SPECC1L: variants seen among roughly 807,000 people sequenced by gnomAD.
SPECC1L encodes the protein sperm antigen with calponin homology and coiled-coil domains 1 like.
A neutral mutation model predicts 116.8 loss-of-function variants in SPECC1L; 40 were observed. That is an observed-to-expected ratio of 0.34 (90% CI 0.27 to 0.45). SPECC1L has a LOEUF of 0.45. Ranked by LOEUF, SPECC1L falls within the 20% of genes least tolerant of loss-of-function variation. The pLI is 1.00. For synonymous variants in SPECC1L, 504 were observed against 500.6 expected (o/e 1.01, Z -0.09); for missense variants, 1,110 against 1,373.6 (o/e 0.81, Z 3.03).
In SPECC1L at chr22:24,390,919, C is replaced by T. The variant is rs1213629974; in HGVS notation, c.3088-20669C>T. Among the ~76,000 whole-genome samples the T allele has an allele frequency of 4.3e-5, 5 of 115,450 alleles. No individual in the cohort carries two copies. In the East Asian group the frequency reaches 1.4e-3, roughly 31 times the overall value. 75.7% of individuals were successfully genotyped at this position (115,450 alleles called of 152,430 possible). On this transcript the variant is annotated intron_variant, in intron 14 of 16. Transcript: ENST00000314328. ...TTTTTGAGTCAGAGTCTCACTCTGT[C>T]GCCCAGACTGAAGTGGAGCGATCTC... is the stretch of plus-strand genomic sequence containing the variant.
intron 4 of SPECC1L, among the ~76,000 whole-genome samples, chr22:24,318,013 G>T (rs1009598047): frequency 6.6e-6 from 1 of 151,254 alleles, no homozygotes; most frequent in African/African-American, 2.4e-5. Context: ...TGGCGGCTGG[G>T]CAGAGACGCT....
rs1313778069 is a variant in SPECC1L at position 24,351,642 on chromosome 22, C to T, written c.2743+4466C>T. On this transcript the variant is annotated intron_variant, in intron 11 of 16. Transcript: ENST00000314328. The stretch of plus-strand genomic sequence containing the variant: ...ATATCACAGTAGTTGATACTGTGAT[C>T]GTTTATCTTAAACAGTCATTCAAGA... Among the ~76,000 whole-genome samples the T allele has an allele frequency of 2.6e-5, 4 of 152,022 alleles. 1 individual carries two copies. Among genetic ancestry groups the T allele is most frequent in the East Asian group, 1.9e-4 (1 of 5,164 alleles).
chr22:24,362,246 G>A (rs765976305), intron 11 of SPECC1L, among the ~76,000 whole-genome samples: 1 of 152,138 alleles, frequency 6.6e-6, no homozygotes, highest in African/African-American at 2.4e-5. Context: ...TGTGTTTGGT[G>A]GGGGCTGGCA....
chr22:24,374,026 CATT>C (rs2041921865), intron 14 of SPECC1L, among the ~76,000 whole-genome samples: 1 of 152,116 alleles, frequency 6.6e-6, no homozygotes, highest in African/African-American at 2.4e-5. Context: ...AAAAAATGCT[CATT>C]ATCACTGGCC....
chr22:24,353,927 A>G (rs1022504874), intron 11 of SPECC1L, among the ~76,000 whole-genome samples: 1 of 152,192 alleles, frequency 6.6e-6, no homozygotes, highest in African/African-American at 2.4e-5. Context: ...GTAATTTATA[A>G]AGAAAAGAGG....
At chr22:24,373,349 G>A (rs1357477809) in intron 14 of SPECC1L, among the ~76,000 whole-genome samples, 1 of 152,164 alleles carries the variant, frequency 6.6e-6, no homozygotes, top group Non-Finnish European at 1.5e-5. Context: ...AAAGCTGGAG[G>A]CATCACACTA....
At chr22:24,286,788 C>T (rs2049051912) in intron 2 of SPECC1L, among the ~76,000 whole-genome samples, 1 of 152,024 alleles carries the variant, frequency 6.6e-6, no homozygotes, top group Non-Finnish European at 1.5e-5. Context: ...TTGCTTTTGT[C>T]TGTTTTTCAA....
intron 10 of SPECC1L, among the ~76,000 whole-genome samples, chr22:24,346,106 A>G (rs1429839341): frequency 6.6e-6 from 1 of 151,014 alleles, no homozygotes; most frequent in Non-Finnish European, 1.5e-5. Flanking sequence ...TCTCGGCTTC[A>G]AGTGATTCTC....
chr22:24,327,883 G>T (rs566365233), intron 6 of SPECC1L, among the ~76,000 whole-genome samples: 3 of 152,196 alleles, frequency 2.0e-5, no homozygotes, highest in Non-Finnish European at 4.4e-5. Context: ...GGCTGTGTAA[G>T]ACACACTTGG....
chr22:24,312,793 T>C (rs1675794352), intron 3 of SPECC1L, among the ~76,000 whole-genome samples: 3 of 152,332 alleles, frequency 2.0e-5, no homozygotes, highest in South Asian at 2.1e-4. Context: ...TTTATTAATA[T>C]ATTATGCATG....
rs2042817328 is a variant in SPECC1L at position 24,417,244 on chromosome 22, G to C, written c.*2621G>C. On this transcript the variant is annotated 3_prime_UTR_variant, in exon 17 of 17. Coordinates refer to ENST00000314328, the MANE Select transcript of SPECC1L (RefSeq NM_015330.6). ...TATTCTTGAATGTATTAAAATGGCT[G>C]AAACAACAAGCTTGGGCTTTTCTAG... 6.6e-6 allele frequency: 1 copy of C among 152,602 alleles called. No homozygotes were observed. Among genetic ancestry groups the C allele is most frequent in the Admixed American group, 6.5e-5 (1 of 15,286 alleles). The allele number at this position is 152,602 out of a possible 1,614,324, so 9.5% of individuals were successfully genotyped here.
In SPECC1L at chr22:24,317,401, C is replaced by T. The variant is rs1223096725; in HGVS notation, c.308-3887C>T. Among the ~76,000 whole-genome samples the T allele has an allele frequency of 5.0e-5, 6 of 120,272 alleles. 1 individual carries two copies. The highest frequency in any genetic ancestry group is 1.7e-4 in the African/African-American group (6 of 34,428). The allele number at this position is 120,272 out of a possible 152,430, so 78.9% of individuals were successfully genotyped here. A position where few individuals can be genotyped will look rare whatever the true frequency, so the allele number is the denominator to read the frequency against. On this transcript the variant is annotated intron_variant, in intron 4 of 16. Coordinates refer to ENST00000314328, the MANE Select transcript of SPECC1L (RefSeq NM_015330.6). Reference sequence around the variant, plus strand: ...AGTAGGGGCGGCCGGGCAGAGGCGCCCCTCACCTCCCAGATGGGGCGCTGG... The same window carrying T: ...AGTAGGGGCGGCCGGGCAGAGGCGCTCCTCACCTCCCAGATGGGGCGCTGG...
chr22:24,318,340 G>A (rs11912768), intron 4 of SPECC1L, among the ~76,000 whole-genome samples: 1 of 152,182 alleles, frequency 6.6e-6, no homozygotes, highest in East Asian at 1.9e-4. Context: ...CCAACACAGC[G>A]AAACCCCGTC....
At chr22:24,293,154 C>T in intron 2 of SPECC1L, among the ~76,000 whole-genome samples, 1 of 152,126 alleles carries the variant, frequency 6.6e-6, no homozygotes, top group Non-Finnish European at 1.5e-5. Flanking sequence ...TGTAAAATTT[C>T]ATAATAAAAC....
intron 2 of SPECC1L, among the ~76,000 whole-genome samples, chr22:24,296,801 T>C (rs2049273010): frequency 6.6e-6 from 1 of 152,156 alleles, no homozygotes; most frequent in South Asian, 2.1e-4. Context: ...TTTAAGGAAT[T>C]TGTGGAAGCA....
chr22:24,344,421 T>C (rs1041534864), intron 10 of SPECC1L, among the ~76,000 whole-genome samples: 5 of 152,058 alleles, frequency 3.3e-5, no homozygotes, highest in African/African-American at 1.2e-4. Flanking sequence ...TAAAACTCTT[T>C]AGCAAACTAG....
At chr22:24,360,034 C>A (rs909896102) in intron 11 of SPECC1L, among the ~76,000 whole-genome samples, 6 of 152,186 alleles carry the variant, frequency 3.9e-5, no homozygotes, top group Non-Finnish European at 8.8e-5. Context: ...GACCTTTGCA[C>A]CAAGCCAAGT....
intron 2 of SPECC1L, among the ~76,000 whole-genome samples, chr22:24,278,074 G>C (rs1034683123): frequency 6.6e-6 from 1 of 152,158 alleles, no homozygotes; most frequent in Non-Finnish European, 1.5e-5. Flanking sequence ...GTGGGATTAG[G>C]CTGGGCACAG....
intron 9 of SPECC1L, among the ~76,000 whole-genome samples, chr22:24,336,986 G>A (rs149855603): frequency 3.3e-5 from 5 of 152,304 alleles, no homozygotes; most frequent in African/African-American, 9.6e-5. Context: ...GTAGGCTAAT[G>A]TAATGTTTTG....
Sources: allele counts gnomAD v4.1 joint callset (sites outside exome capture counted in the v4.1 genomes callset), GRCh38; gene constraint gnomAD v4.1.1; transcripts MANE v1.5; gene names NCBI Gene and HGNC (gene_info 2026-07-23, HGNC 2026-07-21).